ARHGEF38: variants seen among roughly 807,000 people sequenced by gnomAD.
ARHGEF38 encodes Rho guanine nucleotide exchange factor (GEF) 38.
ARHGEF38 carries 79 observed loss-of-function variants against 79.9 expected under a neutral mutation model. The ratio of observed to expected loss-of-function variants is 0.99; its 90% CI spans 0.82 to 1.19. The LOEUF is 1.19. Among genes scored for constraint, ARHGEF38 ranks in the 50% most tolerant of loss-of-function variants. ARHGEF38 has a pLI of 0.00. For missense variants in ARHGEF38, 962 were observed against 907.2 expected, an observed-to-expected ratio of 1.06 and a Z score of -0.78; for synonymous variants, 366 against 328.3, an observed-to-expected ratio of 1.11 and a Z score of -1.24.
At chr4:105,553,214 T>G (rs938569384) in intron 1 of ARHGEF38, among the ~76,000 whole-genome samples, 1 of 151,996 alleles carries the variant, frequency 6.6e-6, no homozygotes, top group Non-Finnish European at 1.5e-5. Context: ...TTTTTCCTGG[T>G]GAGGGTAATC....
intron 7 of ARHGEF38, among the ~76,000 whole-genome samples, chr4:105,649,112 T>C (rs1327683532): frequency 6.6e-6 from 1 of 152,168 alleles, no homozygotes; most frequent in African/African-American, 2.4e-5. Flanking sequence ...ATTTTCTCTT[T>C]ATTTCATCTT....
chr4:105,653,240 CTGAGT>C (rs1730180743), intron 7 of ARHGEF38, among the ~76,000 whole-genome samples: 1 of 151,848 alleles, frequency 6.6e-6, no homozygotes, highest in African/African-American at 2.4e-5. Context: ...CTTAAGTCTG[CTGAGT>C]TATCTTAACA....
intron 2 of ARHGEF38, among the ~76,000 whole-genome samples, chr4:105,590,447 C>T (rs1441138297): frequency 1.8e-4 from 28 of 152,226 alleles, no homozygotes; most frequent in Non-Finnish European, 2.2e-4. Flanking sequence ...TCCCCTCAGA[C>T]ATCTATTTGA....
chr4:105,615,354 G>A (rs1293354688), intron 3 of ARHGEF38, among the ~76,000 whole-genome samples: 2 of 152,190 alleles, frequency 1.3e-5, no homozygotes, highest in African/African-American at 4.8e-5. Flanking sequence ...AGGAGGAACT[G>A]AGTCCTAGAC....
chr4:105,604,050 G>A (rs1418590137), intron 2 of ARHGEF38, among the ~76,000 whole-genome samples: 1 of 152,130 alleles, frequency 6.6e-6, no homozygotes, highest in Non-Finnish European at 1.5e-5. Flanking sequence ...ACATGATATG[G>A]ACTAGCATAG....
Position 105,552,816 on chromosome 4 carries a change from G to C in ARHGEF38, c.51G>C (p.Lys17Asn), listed in dbSNP as rs762338044. The change falls in exon 1 of 14, where the codon AAG (lysine) becomes AAC (asparagine). Residue 17 changes from lysine (K) to asparagine (N), a missense_variant. Physicochemically the swap from Lys to Asn is moderately conservative, Grantham distance 94. Coordinates refer to ENST00000420470, the MANE Select transcript of ARHGEF38 (RefSeq NM_001242729.2). The part of the protein sequence containing the change: ...TGKENMVTKK[K>N]NLAFLRSRLY... ...AAGAAAACATGGTCACCAAGAAAAA[G>C]AATCTGGCCTTCTTGAGGTCTAGAC... 16 of 1,612,784 alleles carry C rather than the reference G, an allele frequency of 9.9e-6. No individual in the cohort carries two copies. The highest frequency in any genetic ancestry group is 1.3e-5 in the Non-Finnish European group (15 of 1,179,642).
chr4:105,656,165 G>A (rs751300116), intron 9 of ARHGEF38, among the ~76,000 whole-genome samples: 15 of 151,912 alleles, frequency 9.9e-5, no homozygotes, highest in Middle Eastern at 3.4e-3. Flanking sequence ...AGCAATCCTC[G>A]CTCCTCAGCC....
At chr4:105,653,059 T>C (rs1578349994) in intron 7 of ARHGEF38, among the ~76,000 whole-genome samples, 1 of 152,152 alleles carries the variant, frequency 6.6e-6, no homozygotes, top group Admixed American at 6.6e-5. Context: ...ATGAGGCTGG[T>C]TCCGATCTTG....
At chr4:105,581,882 A>G (rs1034660669) in intron 1 of ARHGEF38, among the ~76,000 whole-genome samples, 2 of 151,854 alleles carry the variant, frequency 1.3e-5, no homozygotes, top group Non-Finnish European at 1.5e-5. Context: ...TCGTATTCCT[A>G]TGGCCGGGTG....
chr4:105,656,527 T>A (rs1730334037), intron 9 of ARHGEF38, among the ~76,000 whole-genome samples: 2 of 152,228 alleles, frequency 1.3e-5, no homozygotes, highest in Admixed American at 1.3e-4. Context: ...AAAAACATGC[T>A]TGAGCCAATA....
chr4:105,630,324 T>C (rs535424859), intron 3 of ARHGEF38, among the ~76,000 whole-genome samples: 3 of 151,796 alleles, frequency 2.0e-5, no homozygotes, highest in African/African-American at 7.3e-5. Context: ...CTCAGCTCGC[T>C]GCAACCTCTG....
intron 3 of ARHGEF38, among the ~76,000 whole-genome samples, chr4:105,630,371 C>G (rs1406521887): frequency 6.6e-6 from 1 of 151,998 alleles, no homozygotes; most frequent in East Asian, 1.9e-4. Context: ...CCTCAGCCTC[C>G]CGAGTAGCTG....
intron 6 of ARHGEF38, among the ~76,000 whole-genome samples, chr4:105,647,866 G>A: frequency 6.6e-6 from 1 of 151,244 alleles, no homozygotes; most frequent in East Asian, 1.9e-4. Context: ...ATTGGGCACA[G>A]TTGTCTTGTC....
intron 3 of ARHGEF38, among the ~76,000 whole-genome samples, chr4:105,630,678 C>T (rs2110516888): frequency 6.7e-6 from 1 of 150,348 alleles, no homozygotes; most frequent in African/African-American, 2.5e-5. Context: ...AAAGAAAAGA[C>T]AGAAAAAGAG....
Position 105,645,255 on chromosome 4 carries a change from C to T in ARHGEF38, c.742C>T (p.Pro248Ser). ...IKPIQRVMKY[P>S]LLLCELRNST... ...ACCAATTCAACGTGTGATGAAATAC[C>T]CCCTATTACTGTGCGAACTTCGGAA... Residue 248 changes from proline (P) to serine (S), a missense_variant, in exon 6 of 14, where the codon CCC (proline) becomes TCC (serine). Pro to Ser is a moderately conservative substitution (Grantham distance 74). Transcript: ENST00000420470. 1 of 1,535,040 alleles carries T rather than the reference C, an allele frequency of 6.5e-7. No homozygotes were observed. Among genetic ancestry groups the T allele is most frequent in the East Asian group, 2.4e-5 (1 of 40,860 alleles).
intron 1 of ARHGEF38, among the ~76,000 whole-genome samples, chr4:105,576,779 T>G (rs1169791370): frequency 1.3e-5 from 2 of 152,058 alleles, no homozygotes; most frequent in Admixed American, 1.3e-4. Context: ...TCAACTTTTC[T>G]TCCTCAGTGT....
rs1398679171 is a variant in ARHGEF38 at position 105,667,322 on chromosome 4, C to A, written c.1883C>A (p.Thr628Lys). ...AGTACAAGCAGGTGGCTTGTGGACACAGGAAGTAAGTTTTTCCCCAGAACT... is the reference window on the plus strand; with the variant it reads ...AGTACAAGCAGGTGGCTTGTGGACAAAGGAAGTAAGTTTTTCCCCAGAACT... ...LGSTSRWLVD[T>K]GNVKGYVYSS... Residue 628 changes from threonine to lysine, a missense_variant, in exon 12 of 14, where the codon ACA (threonine) becomes AAA (lysine). Coordinates refer to ENST00000420470, the MANE Select transcript of ARHGEF38 (RefSeq NM_001242729.2). 2.0e-6 allele frequency: 3 copies of A among 1,535,660 alleles called. No individual in the cohort carries two copies. The highest frequency in any genetic ancestry group is 2.6e-6 in the Non-Finnish European group (3 of 1,146,698).
intron 1 of ARHGEF38, among the ~76,000 whole-genome samples, chr4:105,587,285 T>C (rs562854288): frequency 2.6e-5 from 4 of 152,252 alleles, no homozygotes; most frequent in African/African-American, 9.6e-5. Context: ...TCCAGCCTGG[T>C]TGACAAAGTG....
At chr4:105,571,564 C>T (rs1021367529) in intron 1 of ARHGEF38, among the ~76,000 whole-genome samples, 2 of 152,018 alleles carry the variant, frequency 1.3e-5, no homozygotes, top group Non-Finnish European at 1.5e-5. Context: ...CTCAGGTGAT[C>T]CGCCCGCCTC....
Sources: gnomAD v4.1 joint callset for allele counts (sites outside exome capture counted in the v4.1 genomes callset) on GRCh38, gnomAD v4.1.1 for gene constraint, MANE v1.5 for transcripts, NCBI Gene and HGNC (gene_info 2026-07-23, HGNC 2026-07-21) for gene names.